SCRG1: variants seen among roughly 807,000 people sequenced by gnomAD.
The protein encoded by SCRG1 is scrapie-responsive protein 1.
In SCRG1, 3 loss-of-function variants were observed where a neutral mutation model predicts 7.7. The observed-to-expected ratio is 0.39, with a 90% confidence interval of 0.18 to 1.01. The LOEUF is 1.01. Ranked by LOEUF, SCRG1 falls within the 50% of genes least tolerant of loss-of-function variation. The probability of loss-of-function intolerance (pLI) is 0.36; values close to 1 mark genes in which losing one functional copy is unlikely to be tolerated. For synonymous variants in SCRG1, 46 were observed against 41.2 expected, an observed-to-expected ratio of 1.12 and a Z score of -0.44; for missense variants, 110 against 117.2, an observed-to-expected ratio of 0.94 and a Z score of 0.28.
At chr4:173,421,431 T>C in the SCRG1 span, among the ~76,000 whole-genome samples, 1 of 151,580 alleles carries the variant, frequency 6.6e-6, no homozygotes, top group African/African-American at 2.4e-5. Flanking sequence ...GGGGGTTGAT[T>C]TGTTGCATTT....
the SCRG1 span, among the ~76,000 whole-genome samples, chr4:173,477,363 C>T: frequency 6.6e-6 from 1 of 152,100 alleles, no homozygotes; most frequent in Non-Finnish European, 1.5e-5. Flanking sequence ...ATATCCATTG[C>T]ACCAGGAACA....
the SCRG1 span, among the ~76,000 whole-genome samples, chr4:173,452,387 C>T: frequency 6.6e-6 from 1 of 152,014 alleles, no homozygotes; most frequent in Non-Finnish European, 1.5e-5. Flanking sequence ...AGGGGTTGGT[C>T]TTACTGTTTC....
chr4:173,430,937 T>C, the SCRG1 span, among the ~76,000 whole-genome samples: 6 of 151,648 alleles, frequency 4.0e-5, no homozygotes, highest in Admixed American at 3.9e-4. Flanking sequence ...GAAAATAGTA[T>C]GTTTACAAAG....
the SCRG1 span, among the ~76,000 whole-genome samples, chr4:173,432,292 TTCCTC>T: frequency 4.3e-5 from 6 of 140,212 alleles, no homozygotes; most frequent in Non-Finnish European, 9.3e-5. Context: ...CCTTCCTTCC[TTCCTC>T]CCCCCCTCCC....
chr4:173,450,989 G>T, the SCRG1 span, among the ~76,000 whole-genome samples: 1 of 152,118 alleles, frequency 6.6e-6, no homozygotes. Flanking sequence ...AGGAGCTAAA[G>T]ACGTACTTTG....
At chr4:173,396,741 T>TGTGTGTGTGTGTGTGTGTGTGA (rs35823365) in intron 1 of SCRG1, among the ~76,000 whole-genome samples, 56 of 145,640 alleles carry the variant, frequency 3.8e-4, no homozygotes, top group African/African-American at 9.4e-4. Flanking sequence ...TGTGTGTGTG[T>TGTGTGTGTGTGTGTGTGTGTGA]GTGTGTGTAT....
At chr4:173,451,238 G>T in the SCRG1 span, among the ~76,000 whole-genome samples, 1 of 148,942 alleles carries the variant, frequency 6.7e-6, no homozygotes, top group African/African-American at 2.5e-5. Context: ...AAGGAATAAG[G>T]GTAAGCCAGC....
the SCRG1 span, among the ~76,000 whole-genome samples, chr4:173,444,757 T>C: frequency 6.6e-6 from 1 of 152,178 alleles, no homozygotes; most frequent in African/African-American, 2.4e-5. Flanking sequence ...CTTGTTTTTC[T>C]CTGGATCTTG....
chr4:173,500,163 C>T, the SCRG1 span, among the ~76,000 whole-genome samples: 1 of 152,198 alleles, frequency 6.6e-6, no homozygotes, highest in African/African-American at 2.4e-5. Flanking sequence ...ACCTTAGCGC[C>T]AAGTTCGGAA....
At chr4:173,439,348 C>A in the SCRG1 span, among the ~76,000 whole-genome samples, 1 of 151,914 alleles carries the variant, frequency 6.6e-6, no homozygotes, top group African/African-American at 2.4e-5. Flanking sequence ...CCATCATAGG[C>A]AGACTCTGTC....
chr4:173,502,375 C>T, the SCRG1 span, among the ~76,000 whole-genome samples: 1 of 152,204 alleles, frequency 6.6e-6, no homozygotes, highest in Non-Finnish European at 1.5e-5. The surrounding 1 kb of genome is among the most constrained non-coding windows in gnomAD (Gnocchi z 4.6). Flanking sequence ...AGGCAGCAGA[C>T]TCCATACCCG....
chr4:173,485,247 CA>C, the SCRG1 span, among the ~76,000 whole-genome samples: 1 of 98,590 alleles, frequency 1.0e-5, no homozygotes, highest in Non-Finnish European at 2.2e-5. Context: ...AGGAATGAGG[CA>C]AAAATGATGT....
At chr4:173,444,395 G>A in the SCRG1 span, among the ~76,000 whole-genome samples, 1 of 152,172 alleles carries the variant, frequency 6.6e-6, no homozygotes, top group Admixed American at 6.5e-5. Flanking sequence ...TTTCCATAAA[G>A]GACATAGTGC....
upstream of SCRG1, among the ~76,000 whole-genome samples, chr4:173,401,894 T>C (rs1229658534): frequency 6.6e-6 from 1 of 152,190 alleles, no homozygotes; most frequent in African/African-American, 2.4e-5. Context: ...GTCCATTACA[T>C]GGGGATGTCC....
the SCRG1 span, among the ~76,000 whole-genome samples, chr4:173,472,902 T>C: frequency 6.6e-6 from 1 of 152,190 alleles, no homozygotes; most frequent in Non-Finnish European, 1.5e-5. Context: ...AATCACATGA[T>C]TCAGTAATTT....
the SCRG1 span, among the ~76,000 whole-genome samples, chr4:173,418,406 C>A: frequency 6.6e-6 from 1 of 152,222 alleles, no homozygotes. Context: ...ATAATTGTGG[C>A]TGAGCCAAAT....
chr4:173,513,820 A>G, the SCRG1 span, among the ~76,000 whole-genome samples: 1 of 152,204 alleles, frequency 6.6e-6, no homozygotes, highest in East Asian at 1.9e-4. Flanking sequence ...TCTACTCATT[A>G]GGAAGCTCTG....
At chr4:173,410,829 T>C (rs1158284469), upstream of SCRG1, among the ~76,000 whole-genome samples, 1 of 152,240 alleles carries the variant, frequency 6.6e-6, no homozygotes, top group African/African-American at 2.4e-5. Flanking sequence ...CTTGTTATAA[T>C]AGAAAATGCT....
the SCRG1 span, among the ~76,000 whole-genome samples, chr4:173,443,411 G>T: frequency 1.5e-3 from 233 of 152,262 alleles, 3 homozygotes; most frequent in Non-Finnish European, 1.0e-4. Flanking sequence ...TAGTGTCCAT[G>T]AACAGAAAGA....
Sources: gnomAD v4.1 joint callset for allele counts (sites outside exome capture counted in the v4.1 genomes callset) on GRCh38, gnomAD v4.1.1 for gene constraint, Gnocchi (gnomAD v3.1) non-coding constraint, MANE v1.5 for transcripts, NCBI Gene and HGNC (gene_info 2026-07-23, HGNC 2026-07-21) for gene names.